Variants in ARSG observed in about 807,000 individuals in gnomAD.
ARSG encodes the protein ASG.
A neutral mutation model predicts 50.5 loss-of-function variants in ARSG; 37 were observed. That is an observed-to-expected ratio of 0.73 (90% CI 0.56 to 0.96). ARSG has a LOEUF of 0.96. ARSG is among the 50% of genes least tolerant of loss of function. The probability of loss-of-function intolerance (pLI) is 0.00; values close to 1 mark genes in which losing one functional copy is unlikely to be tolerated. For missense variants in ARSG, 629 were observed against 675.3 expected (o/e 0.93, Z 0.76); for synonymous variants, 225 against 254.6 (o/e 0.88, Z 1.11).
chr17:68,289,143 T>C (rs1268092435), upstream of ARSG, among the ~76,000 whole-genome samples: 1 of 152,094 alleles, frequency 6.6e-6, no homozygotes, highest in Non-Finnish European at 1.5e-5. Flanking sequence ...CCCAGGAGTT[T>C]GAGACCAACC....
At chr17:68,451,579 G>A in the ARSG span, among the ~76,000 whole-genome samples, 1 of 152,200 alleles carries the variant, frequency 6.6e-6, no homozygotes, top group Non-Finnish European at 1.5e-5. Flanking sequence ...TGGAATATTT[G>A]AACAATTTTC....
At position 68,370,498 on chromosome 17, in the gene ARSG, T is replaced by C; in HGVS notation, c.956T>C (p.Phe319Ser). The C allele has an allele frequency of 6.2e-7, 1 of 1,614,046 alleles. No homozygotes were observed. The highest frequency in any genetic ancestry group is 1.3e-5 in the African/African-American group (1 of 75,020). ...KCELAGSVGP[F>S]TGFWQTRQGG... Reference sequence around the variant, plus strand: ...GAGCTAGCGGGCAGTGTGGGTCCCTTCACTGGATTTTGGCAAACTCGTCAA... The same window carrying C: ...GAGCTAGCGGGCAGTGTGGGTCCCTCCACTGGATTTTGGCAAACTCGTCAA... Residue 319 changes from phenylalanine (F) to serine (S), a missense_variant, in exon 8 of 12, where the codon TTC (phenylalanine) becomes TCC (serine). Coordinates refer to ENST00000621439, the MANE Select transcript of ARSG (RefSeq NM_001267727.2).
chr17:68,277,433 A>G (rs1468195515), intron 1 of ARSG, among the ~76,000 whole-genome samples: 2 of 149,500 alleles, frequency 1.3e-5, no homozygotes, highest in South Asian at 4.3e-4. Context: ...CCCGGCCGCA[A>G]CTTTTTTCTT....
downstream of ARSG, among the ~76,000 whole-genome samples, chr17:68,425,157 G>T (rs1221441242): frequency 6.6e-6 from 1 of 152,186 alleles, no homozygotes; most frequent in Non-Finnish European, 1.5e-5. Flanking sequence ...AAAGGTGCTC[G>T]GGCAAGCTCC....
At chr17:68,352,706 C>T (rs1161001935) in intron 5 of ARSG, among the ~76,000 whole-genome samples, 2 of 152,084 alleles carry the variant, frequency 1.3e-5, no homozygotes, top group South Asian at 2.1e-4. Context: ...GACGGGGTTT[C>T]GCCATGTTGG....
intron 1 of ARSG, among the ~76,000 whole-genome samples, chr17:68,296,376 G>A (rs1568431112): frequency 6.6e-6 from 1 of 152,202 alleles, no homozygotes; most frequent in East Asian, 1.9e-4. Context: ...TGTCTAAACA[G>A]GTACCTCCTG....
chr17:68,424,532 G>C (rs1431386008), downstream of ARSG: 1 of 533,338 alleles, frequency 1.9e-6, no homozygotes, highest in South Asian at 1.4e-5. Flanking sequence ...CAGTGCCCAA[G>C]TGGCAGCTCC....
intron 1 of ARSG, among the ~76,000 whole-genome samples, chr17:68,306,222 A>G (rs1555763980): frequency 6.6e-6 from 1 of 151,896 alleles, no homozygotes; most frequent in East Asian, 2.0e-4. Flanking sequence ...GGCTGGTCTC[A>G]AACTCCCAAC....
the ARSG span, among the ~76,000 whole-genome samples, chr17:68,451,357 C>A: frequency 1.3e-5 from 2 of 152,202 alleles, no homozygotes; most frequent in African/African-American, 4.8e-5. Context: ...TCACCTGAAC[C>A]CAGGAGGAAG....
intron 2 of ARSG, among the ~76,000 whole-genome samples, chr17:68,309,704 C>T (rs2076769667): frequency 6.6e-6 from 1 of 151,700 alleles, no homozygotes; most frequent in African/African-American, 2.4e-5. Context: ...ACTAAAAATA[C>T]AAAATGTAGC....
chr17:68,366,822 T>A (rs2079571060), intron 6 of ARSG, among the ~76,000 whole-genome samples: 1 of 152,186 alleles, frequency 6.6e-6, no homozygotes, highest in Non-Finnish European at 1.5e-5. Flanking sequence ...TTGCAACAAT[T>A]ACCACTATCC....
At chr17:68,434,600 G>A in the ARSG span, 1 of 1,614,070 alleles carries the variant, frequency 6.2e-7, no homozygotes, top group Admixed American at 1.7e-5. Context: ...GCCCATCAGG[G>A]ACAGAGAACA....
chr17:68,336,894 AAG>A (rs2078047229), intron 2 of ARSG, among the ~76,000 whole-genome samples: 1 of 152,108 alleles, frequency 6.6e-6, no homozygotes, highest in Non-Finnish European at 1.5e-5. Flanking sequence ...AAGAAAAAGA[AAG>A]AAAAATATTT....
chr17:68,275,594 TTTC>T, intron 1 of ARSG, among the ~76,000 whole-genome samples: 1 of 152,328 alleles, frequency 6.6e-6, no homozygotes, highest in Middle Eastern at 3.4e-3. Flanking sequence ...GCTTTGGGAT[TTTC>T]TTTTTATTTA....
intron 9 of ARSG, among the ~76,000 whole-genome samples, chr17:68,392,019 C>T (rs779290361): frequency 5.9e-5 from 9 of 152,138 alleles, no homozygotes; most frequent in Non-Finnish European, 1.0e-4. Flanking sequence ...CCTTAGAGGG[C>T]GGATATCCCC....
chr17:68,263,863 A>T (rs1399857778), intron 1 of ARSG, among the ~76,000 whole-genome samples: 2 of 151,604 alleles, frequency 1.3e-5, no homozygotes, highest in Non-Finnish European at 2.9e-5. Flanking sequence ...TTTTTTCTTA[A>T]TTTTTATTTT....
At chr17:68,282,947 CAA>C (rs113598461) in intron 1 of ARSG, 37 of 90,676 alleles carry the variant, frequency 4.1e-4, no homozygotes, top group Non-Finnish European at 4.8e-4. Flanking sequence ...GACTCTGTCT[CAA>C]AAAAAAAAAA....
intron 6 of ARSG, among the ~76,000 whole-genome samples, chr17:68,366,252 A>G (rs3863516): frequency 0.38 from 57,312 of 151,672 alleles, 12,389 homozygotes; most frequent in Admixed American, 0.49. Flanking sequence ...AAATAAAATA[A>G]AATAAAATTT....
At chr17:68,353,733 G>A (rs1042175576) in intron 5 of ARSG, among the ~76,000 whole-genome samples, 9 of 152,172 alleles carry the variant, frequency 5.9e-5, no homozygotes, top group South Asian at 2.1e-4. Flanking sequence ...ATGGAGTCTC[G>A]TTCTGTTGCC....
Sources: gnomAD v4.1 joint callset for allele counts (sites outside exome capture counted in the v4.1 genomes callset) on GRCh38, gnomAD v4.1.1 for gene constraint, MANE v1.5 for transcripts, NCBI Gene and HGNC (gene_info 2026-07-23, HGNC 2026-07-21) for gene names.